Variants in DNAH14 observed in about 807,000 individuals in gnomAD.
DNAH14 encodes dynein axonemal heavy chain 14, also known as axonemal beta dynein heavy chain 14.
A neutral mutation model predicts 520.9 loss-of-function variants in DNAH14; 478 were observed. The ratio of observed to expected loss-of-function variants is 0.92; its 90% CI spans 0.85 to 0.99. The LOEUF (loss-of-function observed/expected upper bound fraction) is 0.99. Ranked by LOEUF, DNAH14 falls within the 50% of genes least tolerant of loss-of-function variation. The pLI is 0.00. For synonymous variants in DNAH14, 1,581 were observed against 1,757.2 expected (o/e 0.90, Z 2.51); for missense variants, 4,831 against 5,234.5 (o/e 0.92, Z 2.38).
At chr1:225,238,393 G>T (rs2091745843) in intron 42 of DNAH14, among the ~76,000 whole-genome samples, 1 of 152,074 alleles carries the variant, frequency 6.6e-6, no homozygotes. Context: ...TTTATTGGAG[G>T]TCCACTTCAG....
chr1:225,095,539 C>T (rs981316521), intron 21 of DNAH14, among the ~76,000 whole-genome samples: 5 of 152,172 alleles, frequency 3.3e-5, no homozygotes, highest in East Asian at 3.9e-4. Context: ...AAAAAGCTAC[C>T]TATTGTGTGC....
intron 3 of DNAH14, among the ~76,000 whole-genome samples, chr1:224,956,494 C>T (rs2060520441): frequency 6.6e-6 from 1 of 152,074 alleles, no homozygotes. Context: ...TTTGTAGCCT[C>T]GGAGTAATAG....
At chr1:225,369,101 C>T (rs1441925252) in intron 77 of DNAH14, among the ~76,000 whole-genome samples, 4 of 150,528 alleles carry the variant, frequency 2.7e-5, no homozygotes, top group African/African-American at 9.8e-5. Flanking sequence ...ATAAAAGTCA[C>T]CTTTAATAGA....
intron 17 of DNAH14, among the ~76,000 whole-genome samples, chr1:225,075,991 A>AGCCTGGGTCAACAGATTGGAAG (rs372178554): frequency 6.6e-6 from 1 of 152,006 alleles, no homozygotes; most frequent in Non-Finnish European, 1.5e-5. Flanking sequence ...TGGCTGGTCC[A>AGCCTGGGTCAACAGATTGGAAG]GCCTAGGGCC....
At chr1:225,347,057 C>T (rs990401320) in intron 71 of DNAH14, among the ~76,000 whole-genome samples, 4 of 152,116 alleles carry the variant, frequency 2.6e-5, no homozygotes, top group African/African-American at 9.7e-5. Context: ...ATTATTGAAT[C>T]TTCTAAATGT....
intron 22 of DNAH14, among the ~76,000 whole-genome samples, chr1:225,099,545 C>G (rs907335343): frequency 5.3e-5 from 8 of 152,038 alleles, no homozygotes; most frequent in Non-Finnish European, 1.2e-4. Context: ...CTCCCTACCC[C>G]CAGCCCCCAC....
intron 11 of DNAH14, among the ~76,000 whole-genome samples, chr1:225,032,444 G>A (rs1236458927): frequency 1.3e-5 from 2 of 152,180 alleles, no homozygotes; most frequent in Non-Finnish European, 1.5e-5. Context: ...GTATTCCATG[G>A]TGTATATGTA....
chr1:225,262,812 G>C (rs1357847673), intron 46 of DNAH14, among the ~76,000 whole-genome samples: 1 of 151,948 alleles, frequency 6.6e-6, no homozygotes, highest in Non-Finnish European at 1.5e-5. Context: ...GCTTAGGATT[G>C]CTTTGGCTCT....
chr1:225,392,286 C>T lies in DNAH14; in HGVS notation c.13331-5C>T, dbSNP rs1242474060. ...GAACTTGATGGTGTGTGTTCTTCTC[C>T]AAAGCCTTTCTTGCTGCTGTGCTTC... On this transcript the variant is annotated splice_region_variant and splice_polypyrimidine_tract_variant and intron_variant, in intron 83 of 85. Coordinates refer to ENST00000682510, the MANE Select transcript of DNAH14 (RefSeq NM_001367479.1). 1.9e-6 allele frequency: 3 copies of T among 1,552,132 alleles called. No individual in the cohort carries two copies. The African/African-American group carries it at 4.1e-5, about 21-fold the overall frequency.
chr1:225,000,505 G>T (rs2063685161), intron 8 of DNAH14, among the ~76,000 whole-genome samples: 1 of 150,432 alleles, frequency 6.6e-6, no homozygotes, highest in Admixed American at 6.6e-5. Flanking sequence ...CTCTCCTTCT[G>T]GGACTTCAGA....
Position 225,079,310 on chromosome 1 carries a change from A to G in DNAH14, c.2528A>G (p.Lys843Arg). 1.3e-6 allele frequency: 2 copies of G among 1,549,990 alleles called. No individual in the cohort carries two copies. The highest frequency in any genetic ancestry group is 2.4e-5 in the South Asian group (2 of 83,576). ...AATGCAATTTCCTCAAAAATATCTA[A>G]ATTAGAAAAAGAGTTCTTAACAATG... ...FLNAISSKISKLEKEFLTMSQ... is the reference protein window; with the variant it reads ...FLNAISSKISRLEKEFLTMSQ... The change falls in exon 18 of 86, where the codon AAA becomes AGA. Residue 843 changes from lysine (K) to arginine (R), a missense_variant. Physicochemically the swap from Lys to Arg is conservative, Grantham distance 26. Transcript: ENST00000682510.
rs1165673189 is a variant in DNAH14, at chr1:225,352,105, CAG to C, written c.11533+228_11533+229del. Reference sequence around the variant, plus strand: ...AAAATCTGATTAGAAATCAGAATTTCAGAGAGATTAAATACACCACACTAGTT... The same window carrying C: ...AAAATCTGATTAGAAATCAGAATTTCAGAGATTAAATACACCACACTAGTT... On this transcript the variant is annotated intron_variant, in intron 72 of 85. Transcript: ENST00000682510. Among the ~76,000 whole-genome samples the C allele has an allele frequency of 3.3e-5, 5 of 152,056 alleles. No individual in the cohort carries two copies. In the South Asian group the frequency reaches 8.3e-4, roughly 25 times the overall value.
At chr1:225,246,306 G>A (rs1393191188) in intron 43 of DNAH14, among the ~76,000 whole-genome samples, 1 of 152,018 alleles carries the variant, frequency 6.6e-6, no homozygotes, top group Admixed American at 6.6e-5. Flanking sequence ...TACCATTCAG[G>A]ACATAGGCAT....
intron 41 of DNAH14, among the ~76,000 whole-genome samples, chr1:225,210,344 C>T (rs538052389): frequency 3.3e-5 from 5 of 152,282 alleles, no homozygotes; most frequent in Admixed American, 3.3e-4. Context: ...TCCACCATTA[C>T]AGAGGCTTGA....
At chr1:225,199,822 G>A (rs991022607) in intron 38 of DNAH14, among the ~76,000 whole-genome samples, 3 of 152,144 alleles carry the variant, frequency 2.0e-5, no homozygotes, top group African/African-American at 7.2e-5. Context: ...CAGTTGTTGA[G>A]TAGAATGTGC....
intron 77 of DNAH14, among the ~76,000 whole-genome samples, chr1:225,372,775 A>G (rs2095633775): frequency 6.6e-6 from 1 of 152,180 alleles, no homozygotes; most frequent in Non-Finnish European, 1.5e-5. Context: ...CAAATGCCAG[A>G]TTTAGGATAA....
intron 71 of DNAH14, among the ~76,000 whole-genome samples, chr1:225,351,436 T>C (rs995662075): frequency 6.6e-6 from 1 of 152,072 alleles, no homozygotes; most frequent in Non-Finnish European, 1.5e-5. Context: ...TTACTTATAT[T>C]TTTACCACAA....
At chr1:225,047,952 CT>C (rs2068113751) in intron 15 of DNAH14, among the ~76,000 whole-genome samples, 1 of 152,128 alleles carries the variant, frequency 6.6e-6, no homozygotes. Context: ...ACAATTTTCT[CT>C]TTGTGGGTGG....
At chr1:225,138,456 C>T (rs1190506423) in intron 27 of DNAH14, among the ~76,000 whole-genome samples, 1 of 152,216 alleles carries the variant, frequency 6.6e-6, no homozygotes, top group African/African-American at 2.4e-5. Flanking sequence ...TACAGAAGGA[C>T]GCTGCTTGGC....
Sources: allele counts gnomAD v4.1 joint callset (sites outside exome capture counted in the v4.1 genomes callset), GRCh38; gene constraint gnomAD v4.1.1; transcripts MANE v1.5; gene names NCBI Gene and HGNC (gene_info 2026-07-23, HGNC 2026-07-21).